KATNBL1: variants seen among roughly 807,000 people sequenced by gnomAD.
KATNBL1 encodes katanin regulatory subunit B1 like 1, also known as KATNB1-like protein 1.
KATNBL1 carries 28 observed loss-of-function variants against 44.7 expected under a neutral mutation model. The ratio of observed to expected loss-of-function variants is 0.63; its 90% CI spans 0.46 to 0.86. The LOEUF (loss-of-function observed/expected upper bound fraction) is 0.86, where lower values mean the gene tolerates loss of function less well. KATNBL1 is among the 40% of genes least tolerant of loss of function. The pLI is 0.00. For synonymous variants in KATNBL1, 78 were observed against 114.9 expected, an observed-to-expected ratio of 0.68 and a Z score of 2.06; for missense variants, 272 against 350.7, an observed-to-expected ratio of 0.78 and a Z score of 1.79.
At chr15:34,176,192 T>C (rs935201934) in intron 1 of KATNBL1, among the ~76,000 whole-genome samples, 1 of 151,826 alleles carries the variant, frequency 6.6e-6, no homozygotes, top group African/African-American at 2.4e-5. Flanking sequence ...CTGGCCAACA[T>C]GGTGAAACCC....
Position 34,197,288 on chromosome 15 carries a change from A to G in KATNBL1, c.-15+12663T>C, listed in dbSNP as rs894957575. On this transcript the variant is annotated intron_variant, in intron 1 of 9. Coordinates refer to ENST00000256544, the MANE Select transcript of KATNBL1 (RefSeq NM_024713.3). ...AGGCAGTATGGTGTGACAGAGAAATATAAGTCCTAGAGTCAGACTACCTGG... is the reference window on the plus strand; with the variant it reads ...AGGCAGTATGGTGTGACAGAGAAATGTAAGTCCTAGAGTCAGACTACCTGG... Among the ~76,000 whole-genome samples the G allele has an allele frequency of 3.3e-5, 5 of 152,266 alleles. No homozygotes were observed. The East Asian group carries it at 5.8e-4, about 18-fold the overall frequency.
chr15:34,169,520 A>G (rs1287555953), intron 1 of KATNBL1, among the ~76,000 whole-genome samples: 2 of 152,208 alleles, frequency 1.3e-5, no homozygotes, highest in Admixed American at 1.3e-4. Flanking sequence ...CACAAAGAGG[A>G]GCTGGTACCA....
rs1454651174 is a variant in KATNBL1, at chr15:34,141,359, T to C, written c.*980A>G. 1 of 152,590 alleles carries C rather than the reference T, an allele frequency of 6.6e-6. No individual in the cohort carries two copies. The highest frequency in any genetic ancestry group is 1.5e-5 in the Non-Finnish European group (1 of 67,998). The allele number at this position is 152,590 out of a possible 1,614,324, so 9.5% of individuals were successfully genotyped here. A position where few individuals can be genotyped will look rare whatever the true frequency, so the allele number is the denominator to read the frequency against. On this transcript the variant is annotated 3_prime_UTR_variant, in exon 10 of 10. Coordinates refer to ENST00000256544, the MANE Select transcript of KATNBL1 (RefSeq NM_024713.3). ...TAAAACATATGTAGTGAAAAAGAAT[T>C]AGAATTCATATAAAATCAGAATTTA... is the stretch of plus-strand genomic sequence containing the variant.
intron 1 of KATNBL1, among the ~76,000 whole-genome samples, chr15:34,175,399 T>C (rs1162066899): frequency 6.6e-6 from 1 of 152,184 alleles, no homozygotes. Flanking sequence ...CAGATTTGGA[T>C]TTTTAGATTT....
At chr15:34,209,280 T>C (rs1890370347) in intron 1 of KATNBL1, 1 of 152,212 alleles carries the variant, frequency 6.6e-6, no homozygotes, top group African/African-American at 2.4e-5. Flanking sequence ...TCTTACAATT[T>C]TTTTTAAATC....
chr15:34,142,508 C>A, intron 9 of KATNBL1, 137 bp from the exon 10 acceptor site: 1 of 884,690 alleles, frequency 1.1e-6, no homozygotes, highest in South Asian at 2.1e-5. Flanking sequence ...GTGCCTTGTT[C>A]AGTGCTTTTA....
intron 1 of KATNBL1, among the ~76,000 whole-genome samples, chr15:34,204,036 A>T (rs1212245590): frequency 6.6e-6 from 1 of 151,914 alleles, no homozygotes; most frequent in African/African-American, 2.4e-5. Context: ...AAAAAAAAAA[A>T]AAAAGAGCCA....
chr15:34,165,540 T>C (rs1888939221), intron 1 of KATNBL1, among the ~76,000 whole-genome samples: 1 of 152,192 alleles, frequency 6.6e-6, no homozygotes, highest in South Asian at 2.1e-4. Flanking sequence ...CTCATGCCTG[T>C]AATCCCAGCA....
At chr15:34,152,769 T>C (rs1888520624) in intron 4 of KATNBL1, 21 bp downstream of exon 4, 1 of 1,572,430 alleles carries the variant, frequency 6.4e-7, no homozygotes, top group Admixed American at 1.8e-5. Flanking sequence ...AAACTAGATA[T>C]GAGTTAGAGA....
intron 1 of KATNBL1, among the ~76,000 whole-genome samples, chr15:34,198,082 G>A (rs1158871981): frequency 2.0e-5 from 3 of 152,102 alleles, no homozygotes; most frequent in East Asian, 1.9e-4. Flanking sequence ...ACAAAAAGAG[G>A]ACGATACGCT....
chr15:34,175,839 T>C (rs919885817), intron 1 of KATNBL1, among the ~76,000 whole-genome samples: 1 of 151,702 alleles, frequency 6.6e-6, no homozygotes, highest in Non-Finnish European at 1.5e-5. Context: ...CACTCCAGCC[T>C]GGGTGAGAAA....
chr15:34,196,994 T>G (rs527349488), intron 1 of KATNBL1, among the ~76,000 whole-genome samples: 1 of 152,368 alleles, frequency 6.6e-6, no homozygotes, highest in East Asian at 1.9e-4. Flanking sequence ...CTATTTCCAA[T>G]TGCTGTCTTC....
chr15:34,166,560 G>C (rs893388522), intron 1 of KATNBL1, among the ~76,000 whole-genome samples: 2 of 152,218 alleles, frequency 1.3e-5, no homozygotes, highest in African/African-American at 4.8e-5. Flanking sequence ...AAACTTCCCA[G>C]TCTGATAGCT....
In KATNBL1 at chr15:34,154,313, C is replaced by A. The variant is rs560223170; in HGVS notation, c.158+331G>T. Among the ~76,000 whole-genome samples, 10 of 152,296 alleles carry A rather than the reference C, an allele frequency of 6.6e-5. No individual in the cohort carries two copies. The South Asian group carries it at 2.1e-3, about 32-fold the overall frequency. ...AAACCAGTCGTTTTGTAGAAAGTGC[C>A]TTTAGAAGTTAGGCAGATCTGAGAA... is the stretch of plus-strand genomic sequence containing the variant. On this transcript the variant is annotated intron_variant, in intron 3 of 9. Coordinates refer to ENST00000256544, the MANE Select transcript of KATNBL1 (RefSeq NM_024713.3).
At chr15:34,200,948 C>G (rs1303821883) in intron 1 of KATNBL1, among the ~76,000 whole-genome samples, 1 of 152,168 alleles carries the variant, frequency 6.6e-6, no homozygotes, top group African/African-American at 2.4e-5. Flanking sequence ...TCCCAAGTAG[C>G]TGGGATTACA....
intron 4 of KATNBL1, among the ~76,000 whole-genome samples, chr15:34,151,932 C>T (rs114269413): frequency 1.5e-3 from 221 of 148,140 alleles, no homozygotes; most frequent in African/African-American, 5.5e-3. Flanking sequence ...TAACTGGCTT[C>T]GGTGGTCCAC....
At chr15:34,191,895 C>T (rs907765421) in intron 1 of KATNBL1, among the ~76,000 whole-genome samples, 1 of 145,554 alleles carries the variant, frequency 6.9e-6, no homozygotes, top group African/African-American at 2.5e-5. Context: ...TGCAGTGAGC[C>T]GAGATTGCAC....
rs1888874527 is a variant in KATNBL1 at position 34,163,593 on chromosome 15, C to CT, written c.83dup (p.Ile29AspfsTer3). 1.3e-6 allele frequency: 2 copies of CT among 1,596,348 alleles called. No homozygotes were observed. Among genetic ancestry groups the CT allele is most frequent in the East Asian group, 2.3e-5 (1 of 44,306 alleles). On this transcript the variant is annotated frameshift_variant, in exon 2 of 10. Transcript: ENST00000256544. LOFTEE classifies it high-confidence loss of function. Reference sequence around the variant, plus strand: ...TGTTCTTATTAGTGAAATTAGAGATCTTTTTTCTAGGAAGATCAATGAAAT... The same window carrying CT: ...TGTTCTTATTAGTGAAATTAGAGATCTTTTTTTCTAGGAAGATCAATGAAAT...
chr15:34,181,872 T>TATATATAGTCCATATATATATATCC (rs1567532476), intron 1 of KATNBL1, among the ~76,000 whole-genome samples: 3 of 137,750 alleles, frequency 2.2e-5, no homozygotes, highest in African/African-American at 7.9e-5. Flanking sequence ...TATATATCCA[T>TATATATAGTCCATATATATATATCC]ATATATATAT....
Sources: gnomAD v4.1 joint callset for allele counts (sites outside exome capture counted in the v4.1 genomes callset) on GRCh38, gnomAD v4.1.1 for gene constraint, MANE v1.5 for transcripts, NCBI Gene and HGNC (gene_info 2026-07-23, HGNC 2026-07-21) for gene names.